The following KLF12 variants were observed in gnomAD, a reference collection of about 807,000 sequenced individuals.
KLF12 encodes Krueppel-like factor 12.
Under a neutral mutation model 37.8 loss-of-function variants are expected in KLF12, and 9 were observed. The ratio of observed to expected loss-of-function variants is 0.24; its 90% CI spans 0.14 to 0.42. The LOEUF is 0.42. Among genes scored for constraint, KLF12 ranks in the 10% least tolerant of loss-of-function variants. The pLI, the probability that KLF12 is intolerant of heterozygous loss-of-function variation, is 1.00. For missense variants in KLF12, 411 were observed against 516.0 expected, an observed-to-expected ratio of 0.80 and a Z score of 1.97; for synonymous variants, 208 against 202.1, an observed-to-expected ratio of 1.03 and a Z score of -0.25.
At chr13:73,805,824 A>G (rs1882579588) in intron 5 of KLF12, among the ~76,000 whole-genome samples, 2 of 152,112 alleles carry the variant, frequency 1.3e-5, no homozygotes, top group Admixed American at 6.6e-5. Context: ...CTTCTTTTTG[A>G]GATGGAGTCT....
chr13:73,810,644 A>AAAACACACACAC (rs1201321726), intron 5 of KLF12, among the ~76,000 whole-genome samples: 1 of 59,680 alleles, frequency 1.7e-5, no homozygotes, highest in East Asian at 6.6e-4. Context: ...TATATTTATA[A>AAAACACACACAC]AGACACACAC....
intron 7 of KLF12, among the ~76,000 whole-genome samples, chr13:73,700,140 A>T (rs1566304979): frequency 6.6e-6 from 1 of 151,928 alleles, no homozygotes; most frequent in Non-Finnish European, 1.5e-5. Context: ...GGTGACGTGC[A>T]TCTGTAGTCC....
intron 1 of KLF12, among the ~76,000 whole-genome samples, chr13:74,088,239 A>G (rs1351405766): frequency 2.0e-5 from 3 of 152,082 alleles, no homozygotes; most frequent in African/African-American, 7.2e-5. Context: ...CCACCATAGA[A>G]ACTATTACAC....
intron 1 of KLF12, among the ~76,000 whole-genome samples, chr13:74,087,548 T>C (rs1477028825): frequency 6.6e-6 from 1 of 152,114 alleles, no homozygotes; most frequent in African/African-American, 2.4e-5. Flanking sequence ...TGTGCCAAGA[T>C]GTGTGTCAGT....
At chr13:74,183,715 C>T in the KLF12 span, among the ~76,000 whole-genome samples, 1 of 152,108 alleles carries the variant, frequency 6.6e-6, no homozygotes, top group African/African-American at 2.4e-5. Context: ...GTGGGTGAAT[C>T]GCTTGAGTCC....
At chr13:73,900,480 C>A (rs1887989143) in intron 3 of KLF12, among the ~76,000 whole-genome samples, 1 of 152,010 alleles carries the variant, frequency 6.6e-6, no homozygotes, top group African/African-American at 2.4e-5. Flanking sequence ...TACATTATAG[C>A]ATAATTTTAA....
At chr13:74,230,790 G>T in the KLF12 span, among the ~76,000 whole-genome samples, 1 of 152,198 alleles carries the variant, frequency 6.6e-6, no homozygotes, top group South Asian at 2.1e-4. Context: ...CCTGGTGCTT[G>T]TTTCTCTCCT....
intron 3 of KLF12, among the ~76,000 whole-genome samples, chr13:73,926,128 C>T (rs9543490): frequency 0.21 from 32,243 of 152,192 alleles, 4,567 homozygotes; most frequent in East Asian, 0.58. Flanking sequence ...AGAGGACTGA[C>T]TCCAATCATG....
chr13:74,292,723 A>G, the KLF12 span, among the ~76,000 whole-genome samples: 1 of 152,178 alleles, frequency 6.6e-6, no homozygotes, highest in Non-Finnish European at 1.5e-5. Context: ...AAATATTAAC[A>G]AGAGAAATCT....
At chr13:73,707,457 T>C (rs1291038572) in intron 7 of KLF12, among the ~76,000 whole-genome samples, 1 of 152,220 alleles carries the variant, frequency 6.6e-6, no homozygotes, top group Non-Finnish European at 1.5e-5. Flanking sequence ...GTTACCAATA[T>C]AGCTCATATT....
the KLF12 span, among the ~76,000 whole-genome samples, chr13:74,249,379 C>CACAT: frequency 0.35 from 48,839 of 138,338 alleles, 9,615 homozygotes; most frequent in East Asian, 0.59. Context: ...CACACACACA[C>CACAT]GCACACCCTC....
chr13:73,917,307 C>T (rs933109553), intron 3 of KLF12, among the ~76,000 whole-genome samples: 1 of 152,208 alleles, frequency 6.6e-6, no homozygotes, highest in Non-Finnish European at 1.5e-5. Context: ...TGGTACTACC[C>T]CCTCTGCCTA....
At chr13:73,911,822 T>C (rs553776289) in intron 3 of KLF12, among the ~76,000 whole-genome samples, 39 of 152,356 alleles carry the variant, frequency 2.6e-4, no homozygotes, top group African/African-American at 8.7e-4. Flanking sequence ...TGTGCCTTCA[T>C]TCTACGTCTT....
At chr13:73,985,105 A>G (rs1370438757) in intron 2 of KLF12, among the ~76,000 whole-genome samples, 1 of 152,254 alleles carries the variant, frequency 6.6e-6, no homozygotes, top group Non-Finnish European at 1.5e-5. Flanking sequence ...TGCAGCCAAC[A>G]GACTGGCTGA....
the KLF12 span, among the ~76,000 whole-genome samples, chr13:74,261,445 T>C: frequency 1.3e-5 from 2 of 152,274 alleles, no homozygotes; most frequent in Non-Finnish European, 2.9e-5. Flanking sequence ...AGATGGAGTA[T>C]GATAGGAAAT....
At chr13:74,288,421 T>C in the KLF12 span, among the ~76,000 whole-genome samples, 6 of 152,142 alleles carry the variant, frequency 3.9e-5, no homozygotes, top group South Asian at 1.2e-3. Flanking sequence ...AGCAGCAGAG[T>C]GGGACTCTCT....
At chr13:73,904,825 C>A (rs1233597701) in intron 3 of KLF12, among the ~76,000 whole-genome samples, 1 of 151,934 alleles carries the variant, frequency 6.6e-6, no homozygotes, top group Non-Finnish European at 1.5e-5. Flanking sequence ...GCACTGGGAG[C>A]CATAATGGTG....
At chr13:73,839,211 G>A (rs907422788) in intron 4 of KLF12, among the ~76,000 whole-genome samples, 1 of 150,970 alleles carries the variant, frequency 6.6e-6, no homozygotes, top group Non-Finnish European at 1.5e-5. Context: ...TCCCATCTCA[G>A]GCTCCTAAGT....
At chr13:74,097,675 C>T (rs1391053299) in intron 1 of KLF12, among the ~76,000 whole-genome samples, 2 of 151,174 alleles carry the variant, frequency 1.3e-5, no homozygotes, top group African/African-American at 2.4e-5. Flanking sequence ...GCACAGAATA[C>T]TTGAAAATAC....
Sources: allele counts gnomAD v4.1 joint callset (sites outside exome capture counted in the v4.1 genomes callset), GRCh38; gene constraint gnomAD v4.1.1; transcripts MANE v1.5; gene names NCBI Gene and HGNC (gene_info 2026-07-23, HGNC 2026-07-21).